LRP1B: variants seen among roughly 807,000 people sequenced by gnomAD.
The protein encoded by LRP1B is LDL receptor related protein 1B, also known as low-density lipoprotein receptor-related protein 1B.
Under a neutral mutation model 556.6 loss-of-function variants are expected in LRP1B, and 217 were observed. The observed-to-expected ratio is 0.39, with a 90% CI of 0.35 to 0.44. The LOEUF (loss-of-function observed/expected upper bound fraction) is 0.44. Among genes scored for constraint, LRP1B ranks in the 20% least tolerant of loss-of-function variants. The probability of loss-of-function intolerance (pLI) is 1.00; values close to 1 mark genes in which losing one functional copy is unlikely to be tolerated. For synonymous variants in LRP1B, 2,047 were observed against 1,865.8 expected (o/e 1.10, Z -2.50); for missense variants, 5,053 against 5,620.8 (o/e 0.90, Z 3.23).
chr2:140,275,564 A>G (rs2104954934), intron 84 of LRP1B, among the ~76,000 whole-genome samples: 1 of 152,102 alleles, frequency 6.6e-6, no homozygotes, highest in Middle Eastern at 3.4e-3. Context: ...TACACGTAGC[A>G]GAACAAACCC....
chr2:141,785,161 A>G (rs1695388902), intron 2 of LRP1B, among the ~76,000 whole-genome samples: 1 of 151,980 alleles, frequency 6.6e-6, no homozygotes, highest in Non-Finnish European at 1.5e-5. Context: ...GCTCAAAATG[A>G]TCAGTCTGCC....
In LRP1B at chr2:140,334,907, G is replaced by T. The variant is rs575320590; in HGVS notation, c.12117-348C>A. Among the ~76,000 whole-genome samples the T allele has an allele frequency of 6.1e-4, 93 of 152,032 alleles. 1 individual carries two copies. In the South Asian group the frequency reaches 0.019, roughly 31 times the overall value. On this transcript the variant is annotated intron_variant, in intron 78 of 90. Coordinates refer to ENST00000389484, the MANE Select transcript of LRP1B (RefSeq NM_018557.3). The stretch of plus-strand genomic sequence containing the variant: ...ACTCCCCTTTTGTTTTAACAGAATA[G>T]TCATTTTATTATGGATGCTGTATGA...
intron 6 of LRP1B, among the ~76,000 whole-genome samples, chr2:141,193,610 G>A (rs1216937994): frequency 6.6e-6 from 1 of 151,816 alleles, no homozygotes; most frequent in Non-Finnish European, 1.5e-5. Context: ...GGAGGAGGGA[G>A]AGGAGTAGAA....
intron 3 of LRP1B, among the ~76,000 whole-genome samples, chr2:141,320,354 C>T (rs111713704): frequency 0.022 from 3,399 of 151,942 alleles, 65 homozygotes; most frequent in South Asian, 0.038. Context: ...TCAAAGTGTA[C>T]GATTACAAAA....
Position 140,840,103 on chromosome 2 carries a change from A to G in LRP1B, c.5115-18T>C. On this transcript the variant is annotated intron_variant, in intron 30 of 90. Coordinates refer to ENST00000389484, the MANE Select transcript of LRP1B (RefSeq NM_018557.3). ...AGAGTTTTCTTAATTCAAAAGACAT[A>G]TGGATTGAAAATATTAGATGTAGAC... 2.0e-6 allele frequency: 3 copies of G among 1,467,948 alleles called. No homozygotes were observed. The highest frequency in any genetic ancestry group is 1.9e-6 in the Non-Finnish European group (2 of 1,062,996). 90.9% of individuals were successfully genotyped at this position (1,467,948 alleles called of 1,614,324 possible). A position where few individuals can be genotyped will look rare whatever the true frequency, so the allele number is the denominator to read the frequency against.
At chr2:141,677,934 G>A (rs1042233130) in intron 2 of LRP1B, among the ~76,000 whole-genome samples, 1 of 152,160 alleles carries the variant, frequency 6.6e-6, no homozygotes, top group Non-Finnish European at 1.5e-5. Flanking sequence ...CAAGAGGTTT[G>A]AGTAGATGGT....
At chr2:141,489,112 CTTTTTTTTTTTT>C (rs70994433) in intron 2 of LRP1B, among the ~76,000 whole-genome samples, 1 of 76,080 alleles carries the variant, frequency 1.3e-5, no homozygotes, top group Admixed American at 1.5e-4. Context: ...TGATGCTTGG[CTTTTTTTTTTTT>C]TTTTTTTTTT....
At chr2:141,170,113 A>G (rs1028087539) in intron 7 of LRP1B, among the ~76,000 whole-genome samples, 9 of 152,124 alleles carry the variant, frequency 5.9e-5, no homozygotes, top group Non-Finnish European at 1.2e-4. Context: ...GATAGATATG[A>G]TAACAAACTC....
intron 15 of LRP1B, among the ~76,000 whole-genome samples, chr2:141,003,587 G>A (rs1379178927): frequency 6.6e-6 from 1 of 151,960 alleles, no homozygotes; most frequent in Non-Finnish European, 1.5e-5. Flanking sequence ...CCCTGCACAA[G>A]CTCTCTTCTC....
intron 3 of LRP1B, among the ~76,000 whole-genome samples, chr2:141,409,232 T>C (rs912476515): frequency 4.6e-5 from 7 of 152,310 alleles, no homozygotes; most frequent in African/African-American, 7.2e-5. Context: ...TAATAAAATA[T>C]ATGTTTATTC....
intron 15 of LRP1B, among the ~76,000 whole-genome samples, chr2:140,999,793 G>A (rs1220253534): frequency 6.6e-6 from 1 of 152,038 alleles, no homozygotes; most frequent in African/African-American, 2.4e-5. Context: ...ACTACATAAG[G>A]CAGAGTAAGG....
Position 141,247,373 on chromosome 2 carries a change from A to G in LRP1B, c.464-19T>C. 6.2e-7 allele frequency: 1 copy of G among 1,612,550 alleles called. No individual in the cohort carries two copies. The highest frequency in any genetic ancestry group is 8.5e-7 in the Non-Finnish European group (1 of 1,179,156). On this transcript the variant is annotated intron_variant, in intron 4 of 90. Transcript: ENST00000389484. ...TCTTGATCTAAAAAGGAAAATTGGC[A>G]TCATTTCTAAGCAGCTTTATCTTGG...
At chr2:140,432,644 G>T (rs1356631721) in intron 66 of LRP1B, among the ~76,000 whole-genome samples, 2 of 152,186 alleles carry the variant, frequency 1.3e-5, no homozygotes, top group African/African-American at 4.8e-5. Context: ...CTGAGTGTAT[G>T]CTAATTCCAA....
At chr2:141,242,049 T>G (rs978038637) in intron 5 of LRP1B, among the ~76,000 whole-genome samples, 3 of 152,176 alleles carry the variant, frequency 2.0e-5, no homozygotes, top group African/African-American at 7.2e-5. Context: ...GTCTCATAAG[T>G]TGTTAAAATT....
At chr2:141,936,750 C>G (rs912582588) in intron 1 of LRP1B, among the ~76,000 whole-genome samples, 1 of 152,072 alleles carries the variant, frequency 6.6e-6, no homozygotes, top group Admixed American at 6.5e-5. Context: ...CGTAGGATTC[C>G]TAGCATATAG....
chr2:140,969,854 T>C (rs987849797), intron 18 of LRP1B, among the ~76,000 whole-genome samples: 1 of 152,202 alleles, frequency 6.6e-6, no homozygotes, highest in African/African-American at 2.4e-5. Flanking sequence ...TGGCCCCCAC[T>C]CTCTTCTGGC....
chr2:140,319,803 A>T (rs1395298131), intron 82 of LRP1B, among the ~76,000 whole-genome samples: 3 of 152,160 alleles, frequency 2.0e-5, no homozygotes, highest in African/African-American at 7.2e-5. Flanking sequence ...ATCACAGTTG[A>T]GATAACAGCT....
intron 41 of LRP1B, among the ~76,000 whole-genome samples, chr2:140,668,374 A>T (rs1685360950): frequency 6.9e-6 from 1 of 144,528 alleles, no homozygotes; most frequent in Non-Finnish European, 1.5e-5. Flanking sequence ...ATATACATAT[A>T]TATTTATTAT....
intron 2 of LRP1B, among the ~76,000 whole-genome samples, chr2:141,722,255 G>A (rs1197364500): frequency 2.0e-5 from 3 of 152,114 alleles, no homozygotes; most frequent in Admixed American, 6.6e-5. Context: ...GTGGGCACCT[G>A]TAATCACGGC....
Sources: gnomAD v4.1 joint callset for allele counts (sites outside exome capture counted in the v4.1 genomes callset) on GRCh38, gnomAD v4.1.1 for gene constraint, MANE v1.5 for transcripts, NCBI Gene and HGNC (gene_info 2026-07-23, HGNC 2026-07-21) for gene names.